EFCC1: variants seen among roughly 807,000 people sequenced by gnomAD.
EFCC1 encodes EF-hand and coiled-coil domain-containing protein 1.
EFCC1 carries 50 observed loss-of-function variants against 52.1 expected under a neutral mutation model. That is an observed-to-expected ratio of 0.96 (90% CI 0.76 to 1.21). The LOEUF is 1.21. EFCC1 is among the 50% of genes most tolerant of loss of function. The pLI, the probability that EFCC1 is intolerant of heterozygous loss-of-function variation, is 0.00. For synonymous variants in EFCC1, 399 were observed against 396.5 expected (o/e 1.01, Z -0.08); for missense variants, 837 against 867.3 (o/e 0.97, Z 0.44).
rs944297861 is a variant in EFCC1 at position 129,014,391 on chromosome 3, C to T, written c.980+10314C>T. On this transcript the variant is annotated intron_variant, in intron 2 of 7. Coordinates refer to ENST00000683648, the MANE Select transcript of EFCC1 (RefSeq NM_001377500.1). The surrounding 1 kb of genome is among the most constrained non-coding windows in gnomAD (Gnocchi z 4.3). ...GGCTGACCAGAGTGCGGTGTCGCAG[C>T]GTTGGCTTCTCCTGCGGCCTCTCTC... Among the ~76,000 whole-genome samples, 2 of 152,182 alleles carry T rather than the reference C, an allele frequency of 1.3e-5. No homozygotes were observed. The highest frequency in any genetic ancestry group is 2.4e-5 in the African/African-American group (1 of 41,444).
intron 2 of EFCC1, among the ~76,000 whole-genome samples, chr3:129,023,398 G>A (rs983128001): frequency 6.0e-5 from 9 of 149,598 alleles, no homozygotes; most frequent in African/African-American, 2.0e-4. Context: ...GTGCGATCTT[G>A]GCTCACTGCA....
intron 1 of EFCC1, among the ~76,000 whole-genome samples, chr3:129,002,942 T>TG (rs1189107435): frequency 6.6e-6 from 1 of 151,918 alleles, no homozygotes; most frequent in Non-Finnish European, 1.5e-5. Context: ...GAAGAAACCA[T>TG]GGGGTGAGAT....
At position 129,001,743 on chromosome 3, in the gene EFCC1, G is replaced by GGGCTGGACC; in HGVS notation, c.117_125dup (p.Leu40_Arg42dup). On this transcript the variant is annotated inframe_insertion, in exon 1 of 8. Coordinates refer to ENST00000683648, the MANE Select transcript of EFCC1 (RefSeq NM_001377500.1). ...GCTGAGCGCCCTGGCGCACCACTAC[G>GGGCTGGACC]GGCTGGACCGCGGCGTGGAGAACGA... 6.5e-7 allele frequency: 1 copy of GGGCTGGACC among 1,540,274 alleles called. No individual in the cohort carries two copies.
intron 6 of EFCC1, among the ~76,000 whole-genome samples, chr3:129,037,456 C>G (rs894387587): frequency 5.9e-5 from 9 of 152,136 alleles, no homozygotes; most frequent in African/African-American, 2.2e-4. Context: ...ACAATACTAG[C>G]AAACCAAATC....
intron 1 of EFCC1, chr3:129,002,580 T>C: frequency 3.3e-6 from 2 of 608,056 alleles, no homozygotes; most frequent in South Asian, 3.5e-5. Flanking sequence ...ATACCCCACT[T>C]TTCTGCTCCA....
chr3:129,032,674 G>A lies in EFCC1; in HGVS notation c.1139-145G>A, dbSNP rs1576782129. ...CAGCCTTGGTGGCCTCACTGCACAG[G>A]AGCCTGGGATGTGGGGGTGGCTGTC... On this transcript the variant is annotated intron_variant, in intron 3 of 7. Coordinates refer to ENST00000683648, the MANE Select transcript of EFCC1 (RefSeq NM_001377500.1). The A allele has an allele frequency of 3.2e-6, 4 of 1,254,762 alleles. No individual in the cohort carries two copies. The East Asian group carries it at 1.0e-4, about 33-fold the overall frequency. The allele number at this position is 1,254,762 out of a possible 1,614,324, so 77.7% of individuals were successfully genotyped here. A position where few individuals can be genotyped will look rare whatever the true frequency, so the allele number is the denominator to read the frequency against.
Position 129,001,622 on chromosome 3 carries a change from C to G in EFCC1, c.-7C>G. On this transcript the variant is annotated 5_prime_UTR_variant, in exon 1 of 8. Transcript: ENST00000683648. The stretch of plus-strand genomic sequence containing the variant: ...GGGACCGGAGGAGCGAGGCGCGCGG[C>G]GCAGCGATGGAGCCGGTCAGCACGG... 7.4e-7 allele frequency: 1 copy of G among 1,355,442 alleles called. No individual in the cohort carries two copies. Among genetic ancestry groups the G allele is most frequent in the Non-Finnish European group, 9.4e-7 (1 of 1,059,088 alleles). 84.0% of individuals were successfully genotyped at this position (1,355,442 alleles called of 1,614,324 possible). A position where few individuals can be genotyped will look rare whatever the true frequency, so the allele number is the denominator to read the frequency against.
rs987797347 is a variant in EFCC1, at chr3:129,003,913, G to A, written c.816G>A (p.Gly272=). 5.9e-6 allele frequency: 8 copies of A among 1,344,538 alleles called. 1 individual carries two copies. Among genetic ancestry groups the A allele is most frequent in the Admixed American group, 7.3e-5 (2 of 27,334 alleles). 83.3% of individuals were successfully genotyped at this position (1,344,538 alleles called of 1,614,324 possible). A position where few individuals can be genotyped will look rare whatever the true frequency, so the allele number is the denominator to read the frequency against. ...GALAAAEARA[G]RLRRGQAEVR... ...TGGCTGCGGCGGAGGCCCGCGCTGG[G>A]CGGCTGCGCCGTGGCCAGGCCGAGG... is the stretch of plus-strand genomic sequence containing the variant. The change falls in exon 2 of 8, where the codon GGG becomes GGA. Residue 272 remains glycine (G), a synonymous_variant. Transcript: ENST00000683648.
chr3:129,016,838 C>G (rs1205494648), intron 2 of EFCC1, among the ~76,000 whole-genome samples: 2 of 152,144 alleles, frequency 1.3e-5, no homozygotes, highest in East Asian at 3.9e-4. Flanking sequence ...TTATTGCACT[C>G]CCAAGCAGTG....
chr3:129,039,432 C>A (rs963363395), intron 7 of EFCC1, among the ~76,000 whole-genome samples: 1 of 152,254 alleles, frequency 6.6e-6, no homozygotes, highest in African/African-American at 2.4e-5. Context: ...ACCAAGAGCC[C>A]TTTGCTCGCT....
At chr3:129,030,548 G>A (rs991501786) in intron 2 of EFCC1, 155 bp from the exon 3 acceptor site, 2 of 823,314 alleles carry the variant, frequency 2.4e-6, no homozygotes, top group African/African-American at 1.8e-5. Context: ...AGGGATGCTG[G>A]GAATCTGAGT....
rs1181557249 is a variant in EFCC1, at chr3:129,001,990, G to A, written c.362G>A (p.Gly121Glu). The A allele has an allele frequency of 2.6e-6, 4 of 1,545,796 alleles. No homozygotes were observed. Among genetic ancestry groups the A allele is most frequent in the Non-Finnish European group, 2.6e-6 (3 of 1,145,192 alleles). Residue 121 changes from glycine to glutamate, a missense_variant, in exon 1 of 8, where the codon GGG (glycine) becomes GAG (glutamate). Transcript: ENST00000683648. ...GDAAAELATD[G>E]DSDTDEEARL... ...GCGGCCGCTGAGTTGGCCACGGACG[G>A]GGACTCAGATACCGATGAAGAGGCG...
At chr3:129,037,878 T>C (rs963881912) in intron 6 of EFCC1, among the ~76,000 whole-genome samples, 9 of 145,192 alleles carry the variant, frequency 6.2e-5, no homozygotes, top group African/African-American at 1.8e-4. Flanking sequence ...CTGGCCAATA[T>C]GGTGAAACCC....
At chr3:129,012,463 T>C (rs776132677) in intron 2 of EFCC1, among the ~76,000 whole-genome samples, 1 of 152,110 alleles carries the variant, frequency 6.6e-6, no homozygotes, top group African/African-American at 2.4e-5. Flanking sequence ...CTGCTCCACA[T>C]AGCTGGGAAC....
chr3:129,022,721 G>A (rs1945912890), intron 2 of EFCC1, among the ~76,000 whole-genome samples: 2 of 152,234 alleles, frequency 1.3e-5, no homozygotes. Context: ...CTGGAGCCCT[G>A]ACAGAGGTGC....
At position 129,038,847 on chromosome 3, in the gene EFCC1, C is replaced by T. The variant is rs774366140; in HGVS notation, c.1610C>T (p.Ala537Val). ...RLRDLNISKR[A>V]LGKILLSTLD... is the part of the protein sequence containing the mutation. ...CTTTTTAAGAACATATCGAAAAGAGCCCTGGGGAAGATTTTGCTGAGCACG... is the reference window on the plus strand; with the variant it reads ...CTTTTTAAGAACATATCGAAAAGAGTCCTGGGGAAGATTTTGCTGAGCACG... Residue 537 changes from alanine (A) to valine (V), a missense_variant, in exon 7 of 8, where the codon GCC becomes GTC. Physicochemically the swap from Ala to Val is moderately conservative, Grantham distance 64. Transcript: ENST00000683648. 6 of 1,613,774 alleles carry T rather than the reference C, an allele frequency of 3.7e-6. No homozygotes were observed. Among genetic ancestry groups the T allele is most frequent in the Non-Finnish European group, 5.1e-6 (6 of 1,180,016 alleles).
chr3:129,001,518 A>G lies in EFCC1; in HGVS notation c.-111A>G. The G allele has an allele frequency of 7.5e-7, 1 of 1,328,678 alleles. No homozygotes were observed. The highest frequency in any genetic ancestry group is 2.8e-4 in the Middle Eastern group (1 of 3,564). The allele number at this position is 1,328,678 out of a possible 1,614,324, so 82.3% of individuals were successfully genotyped here. A position where few individuals can be genotyped will look rare whatever the true frequency, so the allele number is the denominator to read the frequency against. Reference sequence around the variant, plus strand: ...CACGGTCCCCGGCGCCGCTCCAACCAGACCGCGACCGCTAAGCCCCTCCTT... The same window carrying G: ...CACGGTCCCCGGCGCCGCTCCAACCGGACCGCGACCGCTAAGCCCCTCCTT... On this transcript the variant is annotated 5_prime_UTR_variant, in exon 1 of 8. Coordinates refer to ENST00000683648, the MANE Select transcript of EFCC1 (RefSeq NM_001377500.1).
intron 2 of EFCC1, among the ~76,000 whole-genome samples, chr3:129,022,164 C>T (rs575956357): frequency 6.6e-6 from 1 of 152,290 alleles, no homozygotes; most frequent in East Asian, 1.9e-4. Flanking sequence ...TCAAATATTA[C>T]CAGGGGCAGG....
rs1009340080 is a variant in EFCC1, at chr3:129,010,714, G to A, written c.980+6637G>A. On this transcript the variant is annotated intron_variant, in intron 2 of 7. Transcript: ENST00000683648. The surrounding 1 kb of genome is among the most constrained non-coding windows in gnomAD (Gnocchi z 4.3). ...AGTGGGGGCGAGCAGAGGGGGCATG[G>A]GGCACCATCTGGAGCTGGGAGGCCT... 6.6e-6 allele frequency among the ~76,000 whole-genome samples: 1 copy of A among 152,192 alleles called. No individual in the cohort carries two copies. The highest frequency in any genetic ancestry group is 2.4e-5 in the African/African-American group (1 of 41,444).
Sources: allele counts gnomAD v4.1 joint callset (sites outside exome capture counted in the v4.1 genomes callset), GRCh38; gene constraint gnomAD v4.1.1; non-coding constraint Gnocchi (gnomAD v3.1); transcripts MANE v1.5; gene names NCBI Gene and HGNC (gene_info 2026-07-23, HGNC 2026-07-21).